GNG4: variants seen among roughly 807,000 people sequenced by gnomAD.
GNG4 encodes guanine nucleotide-binding protein G(I)/G(S)/G(O) subunit gamma-4.
A neutral mutation model predicts 5.8 loss-of-function variants in GNG4; 4 were observed. The ratio of observed to expected loss-of-function variants is 0.69; its 90% confidence interval spans 0.34 to 1.57. GNG4 has a LOEUF of 1.57. Among genes scored for constraint, GNG4 ranks in the 40% most tolerant of loss-of-function variants. GNG4 has a pLI of 0.06. For missense variants in GNG4, 96 were observed against 95.1 expected, an observed-to-expected ratio of 1.01 and a Z score of -0.04; for synonymous variants, 29 against 32.9, an observed-to-expected ratio of 0.88 and a Z score of 0.41.
intron 1 of GNG4, among the ~76,000 whole-genome samples, chr1:235,638,789 A>G (rs1285042255): frequency 6.6e-6 from 1 of 152,088 alleles, no homozygotes; most frequent in Non-Finnish European, 1.5e-5. Flanking sequence ...GTTTGCTGAG[A>G]ATGATGGTTT....
At chr1:235,627,992 C>T (rs1010209609) in intron 1 of GNG4, among the ~76,000 whole-genome samples, 11 of 152,026 alleles carry the variant, frequency 7.2e-5, no homozygotes, top group African/African-American at 1.2e-4. Context: ...ACCAGCCCGA[C>T]GAACATGAAG....
intron 1 of GNG4, among the ~76,000 whole-genome samples, chr1:235,597,711 T>C (rs1180369330): frequency 1.3e-5 from 2 of 150,166 alleles, no homozygotes; most frequent in African/African-American, 4.9e-5. Context: ...CTGCAAACTC[T>C]ACCTCCCAGA....
At chr1:235,558,556 G>A (rs1367779909) in intron 3 of GNG4, among the ~76,000 whole-genome samples, 3 of 152,180 alleles carry the variant, frequency 2.0e-5, no homozygotes, top group Non-Finnish European at 4.4e-5. Flanking sequence ...GAGAGGGAGA[G>A]TTTTCTTAAT....
chr1:235,615,927 T>C, intron 1 of GNG4: 1 of 297,630 alleles, frequency 3.4e-6, no homozygotes, highest in South Asian at 3.3e-5. Flanking sequence ...AGGTGTCCAC[T>C]ACTTTATCAG....
rs999928487 is a variant in GNG4, at chr1:235,649,137, C to A, written c.-123+525G>T. ...AAACCACCCTCAGCTGCGGTGGCTC[C>A]AGCGTCACCCCGAGTGCTCCCGAGG... On this transcript the variant is annotated intron_variant, in intron 1 of 3. Transcript: ENST00000391854. This position sits in a 1 kb window ranked among gnomAD's most constrained non-coding sequence, Gnocchi z 5.7. Among the ~76,000 whole-genome samples the A allele has an allele frequency of 9.9e-5, 15 of 152,204 alleles. No individual in the cohort carries two copies. The highest frequency in any genetic ancestry group is 3.6e-4 in the African/African-American group (15 of 41,462).
At chr1:235,570,489 CG>C (rs1375894191) in intron 3 of GNG4, among the ~76,000 whole-genome samples, 8 of 151,350 alleles carry the variant, frequency 5.3e-5, no homozygotes, top group Non-Finnish European at 1.2e-4. Flanking sequence ...CTCCGCCTCC[CG>C]GGTTCAAGCG....
chr1:235,635,385 A>G (rs1689013391), intron 1 of GNG4, among the ~76,000 whole-genome samples: 2 of 151,900 alleles, frequency 1.3e-5, no homozygotes, highest in Non-Finnish European at 2.9e-5. Context: ...AATCCCAGCT[A>G]CTTGGGAGGC....
intron 1 of GNG4, among the ~76,000 whole-genome samples, chr1:235,621,699 C>T (rs1332949797): frequency 6.7e-6 from 1 of 148,272 alleles, no homozygotes; most frequent in African/African-American, 2.5e-5. Flanking sequence ...TTTTTGGAGA[C>T]AGAGTCTTGC....
chr1:235,592,153 CAG>C (rs1244161147), intron 2 of GNG4, among the ~76,000 whole-genome samples: 9 of 152,192 alleles, frequency 5.9e-5, no homozygotes, highest in Admixed American at 3.9e-4. Flanking sequence ...TCAGCTGGCA[CAG>C]AGACCTCAGA....
intron 3 of GNG4, among the ~76,000 whole-genome samples, chr1:235,573,809 T>C (rs2841881): frequency 0.69 from 105,077 of 151,950 alleles, 36,746 homozygotes; most frequent in East Asian, 0.87. Flanking sequence ...AGACTCACAA[T>C]TGGAAATAAC....
At chr1:235,587,632 G>GTGTGTCAGGGTGTGTGGTGT in intron 2 of GNG4, among the ~76,000 whole-genome samples, 12 of 1,240 alleles carry the variant, frequency 9.7e-3, no homozygotes, top group African/African-American at 0.019. Context: ...AATGTGGGGT[G>GTGTGTCAGGGTGTGTGGTGT]GAGTGTGAGT....
intron 1 of GNG4, among the ~76,000 whole-genome samples, chr1:235,596,206 A>G (rs983662615): frequency 1.7e-5 from 2 of 118,764 alleles, no homozygotes; most frequent in African/African-American, 8.8e-5. Context: ...CAAACAAACA[A>G]AATACACACA....
intron 3 of GNG4, among the ~76,000 whole-genome samples, chr1:235,555,557 C>T (rs1421894102): frequency 6.6e-6 from 1 of 151,740 alleles, no homozygotes; most frequent in Non-Finnish European, 1.5e-5. Context: ...TGCACACCGG[C>T]AGTCCCAGCT....
chr1:235,591,650 T>C (rs976087374), intron 2 of GNG4, among the ~76,000 whole-genome samples: 4 of 151,628 alleles, frequency 2.6e-5, no homozygotes, highest in South Asian at 2.1e-4. Flanking sequence ...AGAAGAAAAA[T>C]GGAAGTAGGA....
chr1:235,626,512 C>T (rs773750133), intron 1 of GNG4, among the ~76,000 whole-genome samples: 8 of 152,190 alleles, frequency 5.3e-5, no homozygotes, highest in Non-Finnish European at 8.8e-5. Context: ...GAGACACGGC[C>T]GAGTGCCTCT....
At chr1:235,584,618 C>T (rs1687717013) in intron 2 of GNG4, among the ~76,000 whole-genome samples, 1 of 152,232 alleles carries the variant, frequency 6.6e-6, no homozygotes, top group Non-Finnish European at 1.5e-5. Context: ...TAACCCTACA[C>T]ACATTGATGC....
intron 1 of GNG4, among the ~76,000 whole-genome samples, chr1:235,618,935 C>A (rs112299277): frequency 3.3e-5 from 5 of 150,788 alleles, no homozygotes; most frequent in African/African-American, 1.2e-4. Flanking sequence ...GGATTATAGG[C>A]GTGAGCCACT....
At chr1:235,585,333 G>A (rs1488730717) in intron 2 of GNG4, among the ~76,000 whole-genome samples, 1 of 152,026 alleles carries the variant, frequency 6.6e-6, no homozygotes, top group East Asian at 1.9e-4. Context: ...TCAAACTCCT[G>A]GGCTCAAGCG....
intron 2 of GNG4, among the ~76,000 whole-genome samples, chr1:235,592,264 G>C (rs1252293625): frequency 1.3e-5 from 2 of 152,156 alleles, no homozygotes; most frequent in East Asian, 3.9e-4. Context: ...CCAGCACTTT[G>C]GGAGGCCGAG....
Sources: allele counts gnomAD v4.1 joint callset (sites outside exome capture counted in the v4.1 genomes callset), GRCh38; gene constraint gnomAD v4.1.1; non-coding constraint Gnocchi (gnomAD v3.1); transcripts MANE v1.5; gene names NCBI Gene and HGNC (gene_info 2026-07-23, HGNC 2026-07-21).